The following NAV3 variants were observed in gnomAD, a reference collection of about 807,000 sequenced individuals.
The protein encoded by NAV3 is pore membrane and/or filament interacting like protein 1.
NAV3 carries 87 observed loss-of-function variants against 244.7 expected under a neutral mutation model. The observed-to-expected ratio is 0.36, with a 90% confidence interval of 0.30 to 0.42. The LOEUF (loss-of-function observed/expected upper bound fraction) is 0.42, where lower values mean the gene tolerates loss of function less well. Ranked by LOEUF, NAV3 falls within the 20% of genes least tolerant of loss-of-function variation. The probability of loss-of-function intolerance (pLI) is 1.00; values close to 1 mark genes in which losing one functional copy is unlikely to be tolerated. For synonymous variants in NAV3, 1,126 were observed against 1,042.2 expected (o/e 1.08, Z -1.55); for missense variants, 2,663 against 2,893.3 (o/e 0.92, Z 1.83).
At chr12:77,972,915 T>C (rs1465067617) in intron 5 of NAV3, among the ~76,000 whole-genome samples, 1 of 152,160 alleles carries the variant, frequency 6.6e-6, no homozygotes, top group African/African-American at 2.4e-5. Flanking sequence ...AAGCAGTACC[T>C]AGCACATACC....
At chr12:77,964,879 C>T (rs1892374008) in intron 3 of NAV3, among the ~76,000 whole-genome samples, 1 of 151,898 alleles carries the variant, frequency 6.6e-6, no homozygotes, top group South Asian at 2.1e-4. Flanking sequence ...TGTATATTAT[C>T]AATTTTTGTA....
intron 2 of NAV3, among the ~76,000 whole-genome samples, chr12:77,582,325 T>C (rs1389878184): frequency 6.6e-6 from 1 of 152,246 alleles, no homozygotes; most frequent in Non-Finnish European, 1.5e-5. Flanking sequence ...TAGTATACTT[T>C]CTTTGTGCAA....
chr12:78,046,704 T>G (rs1881854814), intron 9 of NAV3, among the ~76,000 whole-genome samples: 1 of 152,208 alleles, frequency 6.6e-6, no homozygotes, highest in Non-Finnish European at 1.5e-5. Context: ...GAATGTATAT[T>G]CTGTTTATTT....
chr12:77,710,585 A>T (rs764619973), intron 2 of NAV3, among the ~76,000 whole-genome samples: 9 of 152,196 alleles, frequency 5.9e-5, no homozygotes, highest in Non-Finnish European at 1.2e-4. Flanking sequence ...ATTACTTAAA[A>T]GTGCTTAGAA....
chr12:78,151,986 T>G (rs1957097984), intron 22 of NAV3, among the ~76,000 whole-genome samples: 1 of 151,628 alleles, frequency 6.6e-6, no homozygotes, highest in Non-Finnish European at 1.5e-5. Context: ...ATTTGTGGTA[T>G]TTTAGTTTCA....
intron 22 of NAV3, among the ~76,000 whole-genome samples, chr12:78,149,490 A>G (rs2139237526): frequency 6.6e-6 from 1 of 152,224 alleles, no homozygotes; most frequent in East Asian, 1.9e-4. Flanking sequence ...AAATGATGAC[A>G]ATGAAGACCG....
chr12:78,027,659 G>GA (rs369307644), intron 9 of NAV3, among the ~76,000 whole-genome samples: 83 of 152,168 alleles, frequency 5.5e-4, no homozygotes, highest in Middle Eastern at 3.4e-3. Context: ...ATTCTCAGGG[G>GA]AAAAAATAGT....
chr12:78,155,901 C>A (rs1410421320), intron 22 of NAV3, among the ~76,000 whole-genome samples: 1 of 152,066 alleles, frequency 6.6e-6, no homozygotes, highest in African/African-American at 2.4e-5. Context: ...AGATATTAGA[C>A]CTTTGTCAAA....
At chr12:78,011,891 A>G (rs1875342036) in intron 8 of NAV3, among the ~76,000 whole-genome samples, 1 of 152,134 alleles carries the variant, frequency 6.6e-6, no homozygotes, top group Non-Finnish European at 1.5e-5. Context: ...ACATGGCAGC[A>G]GGTGAGAAAG....
At chr12:77,767,844 G>C (rs1447203253) in intron 2 of NAV3, among the ~76,000 whole-genome samples, 1 of 152,204 alleles carries the variant, frequency 6.6e-6, no homozygotes, top group Non-Finnish European at 1.5e-5. Flanking sequence ...GCAATGCAGT[G>C]AGCAAAGGAG....
intron 2 of NAV3, among the ~76,000 whole-genome samples, chr12:77,788,234 T>C (rs1870998501): frequency 6.6e-6 from 1 of 152,214 alleles, no homozygotes; most frequent in African/African-American, 2.4e-5. Flanking sequence ...TAAATTTTTC[T>C]TTCCTTTGTG....
At chr12:77,902,095 A>G (rs1885365981) in intron 1 of NAV3, among the ~76,000 whole-genome samples, 1 of 152,200 alleles carries the variant, frequency 6.6e-6, no homozygotes, top group Admixed American at 6.5e-5. Context: ...TTTAATTATA[A>G]TATGTTGTTT....
intron 2 of NAV3, among the ~76,000 whole-genome samples, chr12:77,686,324 C>T (rs1261447223): frequency 6.6e-6 from 1 of 151,968 alleles, no homozygotes. Context: ...AACTCCTGAC[C>T]TCAGGTGATC....
At chr12:77,723,923 A>C (rs1876760633) in intron 2 of NAV3, among the ~76,000 whole-genome samples, 2 of 151,678 alleles carry the variant, frequency 1.3e-5, no homozygotes, top group Admixed American at 6.6e-5. Context: ...AAAGTGATGA[A>C]TATGCGTGTT....
intron 1 of NAV3, among the ~76,000 whole-genome samples, chr12:77,918,814 AT>A (rs1205733650): frequency 6.6e-6 from 1 of 151,966 alleles, no homozygotes; most frequent in Non-Finnish European, 1.5e-5. Flanking sequence ...CGTACAAGTG[AT>A]TTTCCAGGGT....
intron 9 of NAV3, among the ~76,000 whole-genome samples, chr12:78,026,962 T>C (rs1878163627): frequency 6.6e-6 from 1 of 152,198 alleles, no homozygotes; most frequent in African/African-American, 2.4e-5. Flanking sequence ...AGTGAACTTA[T>C]GACCAATTAT....
intron 3 of NAV3, among the ~76,000 whole-genome samples, chr12:77,957,201 C>T (rs1891448267): frequency 6.6e-6 from 1 of 151,732 alleles, no homozygotes; most frequent in South Asian, 2.1e-4. Context: ...ATTTATAAAT[C>T]TTTTCTGTCT....
intron 38 of NAV3, among the ~76,000 whole-genome samples, chr12:78,204,025 G>C (rs554046641): frequency 7.9e-5 from 12 of 151,800 alleles, no homozygotes; most frequent in African/African-American, 2.2e-4. Flanking sequence ...GCACAATAAG[G>C]GTTCTTGCAA....
chr12:77,878,915 A>G (rs972377138), intron 1 of NAV3, among the ~76,000 whole-genome samples: 4 of 152,114 alleles, frequency 2.6e-5, no homozygotes, highest in Admixed American at 1.3e-4. Context: ...ACCTCATTAC[A>G]TTCCAGTAAG....
Sources: allele counts gnomAD v4.1 joint callset (sites outside exome capture counted in the v4.1 genomes callset), GRCh38; gene constraint gnomAD v4.1.1; transcripts MANE v1.5; gene names NCBI Gene and HGNC (gene_info 2026-07-23, HGNC 2026-07-21).